LRRTM4: variants seen among roughly 807,000 people sequenced by gnomAD.
The protein encoded by LRRTM4 is leucine-rich repeat transmembrane neuronal protein 4.
LRRTM4 carries 25 observed loss-of-function variants against 47.6 expected under a neutral mutation model. That is an observed-to-expected ratio of 0.53 (90% CI 0.38 to 0.73). The LOEUF is 0.73. Ranked by LOEUF, LRRTM4 falls within the 30% of genes least tolerant of loss-of-function variation. LRRTM4 has a pLI of 0.00. For synonymous variants in LRRTM4, 311 were observed against 269.5 expected (o/e 1.15, Z -1.51); for missense variants, 638 against 713.4 (o/e 0.89, Z 1.20).
intron 3 of LRRTM4, among the ~76,000 whole-genome samples, chr2:77,402,257 C>A (rs1673990214): frequency 6.6e-6 from 1 of 151,950 alleles, no homozygotes; most frequent in Admixed American, 6.6e-5. Context: ...AAGATCCTTC[C>A]ACATCAGCCT....
intron 3 of LRRTM4, among the ~76,000 whole-genome samples, chr2:77,387,392 T>C (rs1673320320): frequency 6.6e-6 from 1 of 152,174 alleles, no homozygotes; most frequent in African/African-American, 2.4e-5. Flanking sequence ...GTATGTCTTC[T>C]GAGCAAAGGG....
intron 3 of LRRTM4, among the ~76,000 whole-genome samples, chr2:77,325,401 A>C (rs573645152): frequency 6.6e-6 from 1 of 152,324 alleles, no homozygotes; most frequent in South Asian, 2.1e-4. Context: ...TGAGACCTAT[A>C]AGAACAAACC....
At chr2:76,891,651 A>C (rs1363651287) in intron 3 of LRRTM4, among the ~76,000 whole-genome samples, 1 of 151,866 alleles carries the variant, frequency 6.6e-6, no homozygotes, top group Non-Finnish European at 1.5e-5. Context: ...AAAAGGTATT[A>C]GACGATTAGA....
rs573354348 is a variant in LRRTM4 at position 77,344,243 on chromosome 2, C to G, written c.1551+174075G>C. On this transcript the variant is annotated intron_variant, in intron 3 of 3. Coordinates refer to ENST00000409884, the MANE Select transcript of LRRTM4 (RefSeq NM_001134745.3). ...TAATAAAACACACAATTAGCATATACCAATTAATTCTGAGATGGTACAGGT... is the reference window on the plus strand; with the variant it reads ...TAATAAAACACACAATTAGCATATAGCAATTAATTCTGAGATGGTACAGGT... Among the ~76,000 whole-genome samples the G allele has an allele frequency of 7.9e-5, 12 of 151,756 alleles. No homozygotes were observed. The East Asian group carries it at 2.1e-3, about 27-fold the overall frequency.
At chr2:77,466,780 C>CCT (rs1261396769) in intron 3 of LRRTM4, among the ~76,000 whole-genome samples, 1 of 149,260 alleles carries the variant, frequency 6.7e-6, no homozygotes, top group African/African-American at 2.5e-5. Context: ...CTTACTGCAA[C>CCT]CTCCACTTCC....
chr2:77,171,986 T>C (rs1427665515), intron 3 of LRRTM4, among the ~76,000 whole-genome samples: 2 of 152,144 alleles, frequency 1.3e-5, no homozygotes, highest in East Asian at 3.9e-4. Flanking sequence ...AGTAGCCAAA[T>C]GAAATTTGAA....
intron 3 of LRRTM4, among the ~76,000 whole-genome samples, chr2:77,064,225 C>A (rs1679882175): frequency 6.6e-6 from 1 of 151,974 alleles, no homozygotes; most frequent in Non-Finnish European, 1.5e-5. Flanking sequence ...AGTACTTCCA[C>A]CCTAGATAAT....
chr2:76,803,499 A>G (rs930349163), intron 3 of LRRTM4, among the ~76,000 whole-genome samples: 5 of 152,156 alleles, frequency 3.3e-5, no homozygotes, highest in Non-Finnish European at 7.4e-5. Flanking sequence ...TGTTGATGGG[A>G]ATGTAAATCA....
intron 3 of LRRTM4, among the ~76,000 whole-genome samples, chr2:76,841,144 A>C (rs1443952421): frequency 1.3e-5 from 2 of 151,462 alleles, no homozygotes; most frequent in South Asian, 2.1e-4. Context: ...ATGAAGCTGG[A>C]AACCACCATT....
intron 3 of LRRTM4, among the ~76,000 whole-genome samples, chr2:76,967,940 C>T (rs934516722): frequency 1.3e-5 from 2 of 151,374 alleles, no homozygotes; most frequent in East Asian, 3.9e-4. Flanking sequence ...CAGCTGCTAG[C>T]TCAGTTCCCA....
intron 3 of LRRTM4, among the ~76,000 whole-genome samples, chr2:77,145,974 A>T (rs1254291086): frequency 6.6e-6 from 1 of 152,176 alleles, no homozygotes; most frequent in Non-Finnish European, 1.5e-5. Context: ...CTCATTCAGT[A>T]TGCCACCTTT....
chr2:77,001,688 C>T (rs1436194314), intron 3 of LRRTM4, among the ~76,000 whole-genome samples: 6 of 152,166 alleles, frequency 3.9e-5, no homozygotes, highest in African/African-American at 1.4e-4. Context: ...GTAAGGTATT[C>T]CAAAAATTAA....
intron 3 of LRRTM4, among the ~76,000 whole-genome samples, chr2:77,439,413 A>G (rs1304073635): frequency 1.3e-5 from 2 of 152,142 alleles, no homozygotes; most frequent in Non-Finnish European, 2.9e-5. Flanking sequence ...ATAGCTTTAT[A>G]AAAAATTCAA....
At chr2:77,162,408 G>C (rs1405355858) in intron 3 of LRRTM4, among the ~76,000 whole-genome samples, 2 of 152,170 alleles carry the variant, frequency 1.3e-5, no homozygotes, top group Non-Finnish European at 2.9e-5. Context: ...GGGCATAGCT[G>C]AACAAAAGGC....
chr2:77,139,665 G>A (rs1192726608), intron 3 of LRRTM4, among the ~76,000 whole-genome samples: 1 of 152,100 alleles, frequency 6.6e-6, no homozygotes, highest in African/African-American at 2.4e-5. Flanking sequence ...ATAAAATTAG[G>A]AAAAGAGGAA....
intron 3 of LRRTM4, among the ~76,000 whole-genome samples, chr2:77,060,652 A>T (rs2103798624): frequency 6.6e-6 from 1 of 152,316 alleles, no homozygotes; most frequent in African/African-American, 2.4e-5. Flanking sequence ...TGGTATACAC[A>T]GTATTGTGTA....
chr2:77,513,430 G>A (rs191925738), intron 3 of LRRTM4, among the ~76,000 whole-genome samples: 50 of 152,108 alleles, frequency 3.3e-4, no homozygotes, highest in African/African-American at 1.1e-3. Flanking sequence ...TGAGAGATGC[G>A]TCACAGAGAA....
At chr2:76,866,525 T>C (rs1446979248) in intron 3 of LRRTM4, among the ~76,000 whole-genome samples, 4 of 152,144 alleles carry the variant, frequency 2.6e-5, no homozygotes, top group African/African-American at 9.7e-5. Context: ...TGATTTAAAA[T>C]CTTTTCCTTA....
intron 3 of LRRTM4, among the ~76,000 whole-genome samples, chr2:77,213,255 G>A (rs1186427467): frequency 1.3e-5 from 2 of 152,032 alleles, no homozygotes; most frequent in Admixed American, 6.6e-5. Flanking sequence ...TGAGGCTGCT[G>A]GGGAACATTG....
Sources: gnomAD v4.1 joint callset for allele counts (sites outside exome capture counted in the v4.1 genomes callset) on GRCh38, gnomAD v4.1.1 for gene constraint, MANE v1.5 for transcripts, NCBI Gene and HGNC (gene_info 2026-07-23, HGNC 2026-07-21) for gene names.